RGS7BP: variants seen among roughly 807,000 people sequenced by gnomAD.
RGS7BP encodes the protein regulator of G protein signaling 7 binding protein, also known as regulator of G protein signaling 7-binding protein.
Under a neutral mutation model 31.3 loss-of-function variants are expected in RGS7BP, and 9 were observed. The observed-to-expected ratio is 0.29, with a 90% confidence interval of 0.17 to 0.50. RGS7BP has a LOEUF of 0.50. Ranked by LOEUF, RGS7BP falls within the 20% of genes least tolerant of loss-of-function variation. The pLI, the probability that RGS7BP is intolerant of heterozygous loss-of-function variation, is 0.98. For missense variants in RGS7BP, 274 were observed against 322.0 expected (o/e 0.85, Z 1.14); for synonymous variants, 115 against 120.1 (o/e 0.96, Z 0.28).
At chr5:64,569,059 A>G (rs909298572) in intron 2 of RGS7BP, among the ~76,000 whole-genome samples, 1 of 152,214 alleles carries the variant, frequency 6.6e-6, no homozygotes. Context: ...CACCAAAAGA[A>G]AATTCCATTG....
chr5:64,538,899 G>A (rs1279158383), intron 2 of RGS7BP, among the ~76,000 whole-genome samples: 1 of 151,966 alleles, frequency 6.6e-6, no homozygotes, highest in Non-Finnish European at 1.5e-5. Flanking sequence ...GATTCCACTC[G>A]ATTCTACTTG....
intron 5 of RGS7BP, among the ~76,000 whole-genome samples, chr5:64,604,703 C>T (rs913183846): frequency 1.3e-5 from 2 of 152,172 alleles, no homozygotes; most frequent in African/African-American, 4.8e-5. Context: ...GAACCACTGG[C>T]TTAGCTGAGG....
At chr5:64,539,153 T>A (rs1331845792) in intron 2 of RGS7BP, among the ~76,000 whole-genome samples, 1 of 152,224 alleles carries the variant, frequency 6.6e-6, no homozygotes, top group African/African-American at 2.4e-5. Context: ...GCTTATGTGC[T>A]ATTTAGCATT....
intron 2 of RGS7BP, among the ~76,000 whole-genome samples, chr5:64,542,234 A>G (rs1436093195): frequency 6.6e-6 from 1 of 152,218 alleles, no homozygotes; most frequent in African/African-American, 2.4e-5. Flanking sequence ...AAGAACCAAC[A>G]TGGAAGAGTT....
At chr5:64,594,611 T>C (rs1743012678) in intron 3 of RGS7BP, 99 bp from the exon 4 acceptor site, 12 of 1,154,082 alleles carry the variant, frequency 1.0e-5, no homozygotes, top group Non-Finnish European at 6.3e-6. Context: ...AACATTTGAC[T>C]CAAAGCATAG....
At chr5:64,605,548 C>G in intron 5 of RGS7BP, among the ~76,000 whole-genome samples, 1 of 152,046 alleles carries the variant, frequency 6.6e-6, no homozygotes, top group East Asian at 1.9e-4. Context: ...TCAAACCATC[C>G]CAGGAATACT....
At chr5:64,583,741 G>A (rs776614559) in intron 3 of RGS7BP, among the ~76,000 whole-genome samples, 1 of 152,158 alleles carries the variant, frequency 6.6e-6, no homozygotes, top group Non-Finnish European at 1.5e-5. Flanking sequence ...ACCAGAATAA[G>A]CATGTAGTGT....
At chr5:64,530,751 T>C (rs1440266821) in intron 2 of RGS7BP, among the ~76,000 whole-genome samples, 3 of 151,914 alleles carry the variant, frequency 2.0e-5, no homozygotes, top group African/African-American at 7.3e-5. Context: ...GATGTGTCAG[T>C]AGGGTTTTTT....
chr5:64,545,532 G>A (rs894026738), intron 2 of RGS7BP, among the ~76,000 whole-genome samples: 1 of 152,130 alleles, frequency 6.6e-6, no homozygotes, highest in Admixed American at 6.5e-5. Context: ...TAGCTATACT[G>A]TAGAGAATAA....
At chr5:64,516,317 C>G (rs1748974860) in intron 2 of RGS7BP, among the ~76,000 whole-genome samples, 1 of 152,158 alleles carries the variant, frequency 6.6e-6, no homozygotes, top group South Asian at 2.1e-4. Context: ...ACCCCTATCC[C>G]ATAAGGTACC....
intron 2 of RGS7BP, among the ~76,000 whole-genome samples, chr5:64,508,580 T>C (rs12658774): frequency 0.28 from 43,246 of 152,042 alleles, 7,078 homozygotes; most frequent in East Asian, 0.69. Context: ...ACACTTTCTT[T>C]CATCTCTTAA....
intron 2 of RGS7BP, among the ~76,000 whole-genome samples, chr5:64,551,489 C>G (rs940425881): frequency 6.6e-6 from 1 of 151,720 alleles, no homozygotes; most frequent in African/African-American, 2.4e-5. Context: ...TCTCAAACTC[C>G]TAACCTCAAG....
intron 1 of RGS7BP, 30 bp from the exon 2 acceptor site, chr5:64,507,681 T>TAAA (rs77139920): frequency 5.9e-5 from 76 of 1,294,500 alleles, no homozygotes; most frequent in South Asian, 2.1e-4. Context: ...AAATGTTTGG[T>TAAA]AAAAAAAAAA....
Position 64,506,083 on chromosome 5 carries a change from C to G in RGS7BP, c.-542C>G, listed in dbSNP as rs1020669534. ...CTTAGAGACGAGGGATCAAGGCAGCCGATTAGAGCCAATTGCTTGCTTTGG... is the reference window on the plus strand; with the variant it reads ...CTTAGAGACGAGGGATCAAGGCAGCGGATTAGAGCCAATTGCTTGCTTTGG... On this transcript the variant is annotated 5_prime_UTR_variant, in exon 1 of 6. Coordinates refer to ENST00000334025, the MANE Select transcript of RGS7BP (RefSeq NM_001029875.3). This position sits in a 1 kb window ranked among gnomAD's most constrained non-coding sequence, Gnocchi z 4.6. Among the ~76,000 whole-genome samples, 2 of 152,114 alleles carry G rather than the reference C, an allele frequency of 1.3e-5. No homozygotes were observed. Among genetic ancestry groups the G allele is most frequent in the African/African-American group, 2.4e-5 (1 of 41,428 alleles).
At chr5:64,576,447 T>C (rs1742433493) in intron 3 of RGS7BP, among the ~76,000 whole-genome samples, 1 of 152,182 alleles carries the variant, frequency 6.6e-6, no homozygotes, top group Admixed American at 6.5e-5. Flanking sequence ...GACTTCCAGC[T>C]CCCATTCTGA....
At position 64,523,255 on chromosome 5, in the gene RGS7BP, C is replaced by T. The variant is rs60292809; in HGVS notation, c.332+15378C>T. Among the ~76,000 whole-genome samples the T allele has an allele frequency of 2.0e-3, 299 of 152,284 alleles. 1 individual carries two copies. The highest frequency in any genetic ancestry group is 6.7e-3 in the African/African-American group (279 of 41,546). ...GCAGTGCTGTTGGGGTGAGCCCGTG[C>T]CCCTGGATCTGAAGCAGGCAGCTGC... On this transcript the variant is annotated intron_variant, in intron 2 of 5. Transcript: ENST00000334025.
In RGS7BP at chr5:64,565,517, A is replaced by T. The variant is rs550919331; in HGVS notation, c.333-10257A>T. 2.9e-4 allele frequency among the ~76,000 whole-genome samples: 43 copies of T among 149,438 alleles called. No individual in the cohort carries two copies. The East Asian group carries it at 2.9e-3, about 10-fold the overall frequency. On this transcript the variant is annotated intron_variant, in intron 2 of 5. Transcript: ENST00000334025. ...TATTTTTTATAAAATAGTTTTTTTTAAAAAAAAGAAGGCTTCAGGAAAATA... is the reference window on the plus strand; with the variant it reads ...TATTTTTTATAAAATAGTTTTTTTTTAAAAAAAGAAGGCTTCAGGAAAATA...
intron 5 of RGS7BP, among the ~76,000 whole-genome samples, chr5:64,603,688 T>G (rs1743279455): frequency 6.6e-6 from 1 of 152,192 alleles, no homozygotes; most frequent in Non-Finnish European, 1.5e-5. Flanking sequence ...ACTTGTGGTG[T>G]TGGCAAAAAC....
rs913551929 is a variant in RGS7BP at position 64,549,170 on chromosome 5, G to A, written c.333-26604G>A. Among the ~76,000 whole-genome samples the A allele has an allele frequency of 4.6e-5, 7 of 152,130 alleles. No homozygotes were observed. In the South Asian group the frequency reaches 8.3e-4, roughly 18 times the overall value. On this transcript the variant is annotated intron_variant, in intron 2 of 5. Transcript: ENST00000334025. ...AATTCATCCTGAGGCAGAATTCCTC[G>A]CCAGCTATATATCTGTGAAAACAGA... is the stretch of plus-strand genomic sequence containing the variant.
Sources: allele counts gnomAD v4.1 joint callset (sites outside exome capture counted in the v4.1 genomes callset), GRCh38; gene constraint gnomAD v4.1.1; non-coding constraint Gnocchi (gnomAD v3.1); transcripts MANE v1.5; gene names NCBI Gene and HGNC (gene_info 2026-07-23, HGNC 2026-07-21).